The following ATP7A variants were observed in gnomAD, a reference collection of about 807,000 sequenced individuals.
ATP7A encodes copper-transporting ATPase 1.
A neutral mutation model predicts 83.5 loss-of-function variants in ATP7A; 7 were observed. The observed-to-expected ratio is 0.08, with a 90% confidence interval of 0.05 to 0.16. ATP7A has a LOEUF of 0.16. ATP7A is among the 10% of genes least tolerant of loss of function. The pLI is 1.00. For synonymous variants in ATP7A, 354 were observed against 395.2 expected (o/e 0.90, Z 1.24); for missense variants, 940 against 1,120.8 (o/e 0.84, Z 2.30).
chrX:77,928,239 T>C (rs1320418093), intron 1 of ATP7A, among the ~76,000 whole-genome samples: 8 of 111,626 alleles, frequency 7.2e-5, no homozygotes, highest in Non-Finnish European at 1.3e-4. Context: ...TAGGGATTGG[T>C]GTTAGTTTAT....
rs189581253 is a variant in ATP7A at position 78,026,889 on chromosome X, C to T, written c.2917-2361C>T. Among the ~76,000 whole-genome samples the T allele has an allele frequency of 1.6e-3, 175 of 111,756 alleles. 1 individual carries two copies. Among genetic ancestry groups the T allele is most frequent in the African/African-American group, 5.4e-3 (166 of 30,805 alleles). ...TTCGGCCGGGCGCGGTGGCTCATGC[C>T]TGTAATCCCAGCACTTTGGGAGGCC... is the stretch of plus-strand genomic sequence containing the variant. On this transcript the variant is annotated intron_variant, in intron 14 of 22. Transcript: ENST00000341514.
chrX:77,965,459 C>A (rs187699887), intron 1 of ATP7A: 4 of 318,482 alleles, frequency 1.3e-5, no homozygotes, highest in Non-Finnish European at 1.2e-5. Flanking sequence ...ATCAAAACCA[C>A]AATGAGATAC....
chrX:77,920,925 CAG>C (rs782720692), intron 1 of ATP7A, among the ~76,000 whole-genome samples: 1 of 111,937 alleles, frequency 8.9e-6, no homozygotes, highest in East Asian at 2.8e-4. Flanking sequence ...TTCCCACCAA[CAG>C]TACCTAAGCA....
chrX:77,953,611 T>C (rs1557227029), intron 1 of ATP7A, among the ~76,000 whole-genome samples: 2 of 112,518 alleles, frequency 1.8e-5, no homozygotes, highest in African/African-American at 6.5e-5. Flanking sequence ...ATGGCAGCAA[T>C]TGCTTAGCCC....
chrX:77,935,060 C>T lies in ATP7A; in HGVS notation c.-22+24225C>T, dbSNP rs148214402. 6.6e-3 allele frequency among the ~76,000 whole-genome samples: 725 copies of T among 110,063 alleles called. 36 individuals are homozygous for T. In the East Asian group the frequency reaches 0.18, roughly 27 times the overall value. On this transcript the variant is annotated intron_variant, in intron 1 of 22. Transcript: ENST00000341514. ...CTACTGGGCTTGAGCAATCCCCCTGCGTTGGCCTCCCAAATGCGGGATTAC... is the reference window on the plus strand; with the variant it reads ...CTACTGGGCTTGAGCAATCCCCCTGTGTTGGCCTCCCAAATGCGGGATTAC...
At position 78,046,867 on chromosome X, in the gene ATP7A, G is replaced by T; in HGVS notation, c.*297G>T. 4 of 183,347 alleles carry T rather than the reference G, an allele frequency of 2.2e-5. No individual in the cohort carries two copies. Among genetic ancestry groups the T allele is most frequent in the Non-Finnish European group, 1.9e-5 (2 of 104,632 alleles). The allele number at this position is 183,347 out of a possible 1,213,427, so 15.1% of individuals were successfully genotyped here. The stretch of plus-strand genomic sequence containing the variant: ...TAGAGATTGCTGAACTGCTGCTAAA[G>T]TGATTTTTTTTTTATTTGACCAAAA... On this transcript the variant is annotated 3_prime_UTR_variant, in exon 23 of 23. Coordinates refer to ENST00000341514, the MANE Select transcript of ATP7A (RefSeq NM_000052.7).
Position 77,942,450 on chromosome X carries a change from C to T in ATP7A, c.-21-29171C>T, listed in dbSNP as rs782101474. Among the ~76,000 whole-genome samples, 6 of 103,231 alleles carry T rather than the reference C, an allele frequency of 5.8e-5. No individual in the cohort carries two copies. The East Asian group carries it at 9.1e-4, about 16-fold the overall frequency. 89.6% of individuals were successfully genotyped at this position (103,231 alleles called of 115,157 possible). Reference sequence around the variant, plus strand: ...AGTTTAGGAACTCCTTTTTTTTTTGCGGGGGGGGTAGGGGAGCGGACAGCA... The same window carrying T: ...AGTTTAGGAACTCCTTTTTTTTTTGTGGGGGGGGTAGGGGAGCGGACAGCA... On this transcript the variant is annotated intron_variant, in intron 1 of 22. Coordinates refer to ENST00000341514, the MANE Select transcript of ATP7A (RefSeq NM_000052.7).
At chrX:77,989,194 G>C in intron 3 of ATP7A, 39 bp from the exon 4 acceptor site, 1 of 1,171,735 alleles carries the variant, frequency 8.5e-7, no homozygotes, top group Non-Finnish European at 1.2e-6. Context: ...AAGTAGCCCA[G>C]GAATAACTGA....
intron 1 of ATP7A, among the ~76,000 whole-genome samples, chrX:77,969,864 A>G (rs1359984065): frequency 1.8e-5 from 2 of 111,976 alleles, no homozygotes; most frequent in Non-Finnish European, 3.8e-5. Context: ...ACAGAGTCCT[A>G]TCTTCATGGA....
chrX:78,014,574 G>C, intron 10 of ATP7A, 88 bp from the exon 11 acceptor site: 1 of 674,687 alleles, frequency 1.5e-6, no homozygotes. Flanking sequence ...TGTCTTTTGG[G>C]TAAATGCTAA....
chrX:77,977,691 GATT>G (rs1167760480), intron 2 of ATP7A, among the ~76,000 whole-genome samples: 1 of 112,264 alleles, frequency 8.9e-6, no homozygotes, highest in Non-Finnish European at 1.9e-5. Flanking sequence ...ATTGAATTTT[GATT>G]ACACTGAAAA....
At chrX:77,941,109 A>C (rs1044566776) in intron 1 of ATP7A, among the ~76,000 whole-genome samples, 1 of 111,864 alleles carries the variant, frequency 8.9e-6, no homozygotes, top group East Asian at 2.8e-4. Context: ...GGAACTATTT[A>C]TCAAAGTTTA....
intron 2 of ATP7A, among the ~76,000 whole-genome samples, chrX:77,983,524 ACAGT>A (rs1355082976): frequency 4.5e-5 from 5 of 111,982 alleles, no homozygotes; most frequent in Non-Finnish European, 5.6e-5. Flanking sequence ...AATCTCTGTG[ACAGT>A]CAGCACTCTA....
At chrX:77,969,081 A>G (rs782479411) in intron 1 of ATP7A, 16 of 1,210,186 alleles carry the variant, frequency 1.3e-5, no homozygotes, top group Admixed American at 4.4e-5. Flanking sequence ...GGCTGTTGCC[A>G]TGGGCTGCAA....
At chrX:78,033,871 TG>T in intron 17 of ATP7A, 50 bp downstream of exon 17, 1 of 1,108,039 alleles carries the variant, frequency 9.0e-7, no homozygotes, top group South Asian at 1.8e-5. Context: ...TATGAACAGA[TG>T]GCTAACTTTA....
intron 15 of ATP7A, among the ~76,000 whole-genome samples, chrX:78,030,015 G>T (rs1424767973): frequency 8.9e-6 from 1 of 111,964 alleles, no homozygotes; most frequent in African/African-American, 3.2e-5. Flanking sequence ...TATGTACAGA[G>T]GTATATAGTA....
chrX:78,021,982 G>A (rs895838014), intron 14 of ATP7A, among the ~76,000 whole-genome samples: 3 of 111,565 alleles, frequency 2.7e-5, no homozygotes, highest in Non-Finnish European at 3.8e-5. Flanking sequence ...AGTTCACCCC[G>A]TTTGTATAGG....
chrX:78,020,998 T>A lies in ATP7A; in HGVS notation c.2835T>A (p.Ile945=). 1 of 1,206,588 alleles carries A rather than the reference T, an allele frequency of 8.3e-7. No homozygotes were observed. Residue 945 remains isoleucine (I), a synonymous_variant, in exon 14 of 23, where the codon ATT becomes ATA. Coordinates refer to ENST00000341514, the MANE Select transcript of ATP7A (RefSeq NM_000052.7). The part of the protein sequence containing the change: ...DKLSGYFVPF[I]VFVSIATLLV... Reference sequence around the variant, plus strand: ...TCAGTGGCTATTTTGTTCCTTTTATTGTTTTTGTTTCCATTGCCACCCTCT... The same window carrying A: ...TCAGTGGCTATTTTGTTCCTTTTATAGTTTTTGTTTCCATTGCCACCCTCT...
At chrX:77,976,414 G>A (rs1400638273) in intron 2 of ATP7A, among the ~76,000 whole-genome samples, 1 of 112,029 alleles carries the variant, frequency 8.9e-6, no homozygotes, top group Admixed American at 9.5e-5. Context: ...TATCTCTGCA[G>A]TATTCTTACC....
Sources: gnomAD v4.1 joint callset for allele counts (sites outside exome capture counted in the v4.1 genomes callset) on GRCh38, gnomAD v4.1.1 for gene constraint, MANE v1.5 for transcripts, NCBI Gene and HGNC (gene_info 2026-07-23, HGNC 2026-07-21) for gene names.